Variants in ACTL10 observed in about 807,000 individuals in gnomAD.
ACTL10 encodes actin-like protein 10.
For synonymous variants in ACTL10, 180 were observed against 169.9 expected, an observed-to-expected ratio of 1.06 and a Z score of -0.46; for missense variants, 413 against 359.4, an observed-to-expected ratio of 1.15 and a Z score of -1.21.
At position 33,668,309 on chromosome 20, in the gene ACTL10, TG is replaced by T; in HGVS notation, c.*76del. The T allele has an allele frequency of 6.6e-7, 1 of 1,515,574 alleles. No homozygotes were observed. The highest frequency in any genetic ancestry group is 8.9e-7 in the Non-Finnish European group (1 of 1,129,730). 93.9% of individuals were successfully genotyped at this position (1,515,574 alleles called of 1,614,324 possible). A position where few individuals can be genotyped will look rare whatever the true frequency, so the allele number is the denominator to read the frequency against. On this transcript the variant is annotated 3_prime_UTR_variant, in exon 1 of 1. Transcript: ENST00000677665. Reference sequence around the variant, plus strand: ...ATCTAAAGAGTCAAGTGTTTGGAGCTGGCAGGGTCCTCCTGGAGGTTGGAGC... The same window carrying T: ...ATCTAAAGAGTCAAGTGTTTGGAGCTGCAGGGTCCTCCTGGAGGTTGGAGC...
chr20:33,668,352 C>A lies in ACTL10; in HGVS notation c.*117C>A. On this transcript the variant is annotated 3_prime_UTR_variant, in exon 1 of 1. Transcript: ENST00000677665. ...GGTTGGAGCTGACTGGATGGGTCAC[C>A]CCCATACCCTTTCTGGGCCAGGAGA... The A allele has an allele frequency of 7.2e-7, 1 of 1,388,502 alleles. No individual in the cohort carries two copies. Among genetic ancestry groups the A allele is most frequent in the South Asian group, 1.7e-5 (1 of 58,302 alleles). 86.0% of individuals were successfully genotyped at this position (1,388,502 alleles called of 1,614,324 possible).
rs558946052 is a variant in ACTL10 at position 33,668,318 on chromosome 20, C to A, written c.*83C>A. ...GTCAAGTGTTTGGAGCTGGCAGGGT[C>A]CTCCTGGAGGTTGGAGCTGACTGGA... is the stretch of plus-strand genomic sequence containing the variant. On this transcript the variant is annotated 3_prime_UTR_variant, in exon 1 of 1. Transcript: ENST00000677665. 1.3e-6 allele frequency: 2 copies of A among 1,510,338 alleles called. No homozygotes were observed. Among genetic ancestry groups the A allele is most frequent in the East Asian group, 4.6e-5 (2 of 43,436 alleles). The allele number at this position is 1,510,338 out of a possible 1,614,324, so 93.6% of individuals were successfully genotyped here.
rs2017739337 is a variant in ACTL10 at position 33,668,155 on chromosome 20, C to CA, written c.659dup (p.His220GlnfsTer?). 3.1e-6 allele frequency: 5 copies of CA among 1,612,712 alleles called. No homozygotes were observed. The highest frequency in any genetic ancestry group is 4.2e-6 in the Non-Finnish European group (5 of 1,179,756). On this transcript the variant is annotated frameshift_variant, in exon 1 of 1. Coordinates refer to ENST00000677665, the MANE Select transcript of ACTL10 (RefSeq NM_001024675.2). LOFTEE classifies it high-confidence loss of function. ...CGGCGGCTCCATGGTGGCCTCCCTG[C>CA]ACTCCTTCCAGCGCCGCTGGATAAC... is the stretch of plus-strand genomic sequence containing the variant.
At position 33,667,309 on chromosome 20, in the gene ACTL10, A is replaced by G. The variant is rs79854256; in HGVS notation, c.-189A>G. On this transcript the variant is annotated 5_prime_UTR_variant, in exon 1 of 1. Transcript: ENST00000677665. ...GGGCGGCGTGGCGCGGGCGCACCCC[A>G]TCAAGCACGGCGTGGTGGCGGACTG... is the stretch of plus-strand genomic sequence containing the variant. The G allele has an allele frequency of 6.3e-4, 462 of 729,424 alleles. No individual in the cohort carries two copies. Among genetic ancestry groups the G allele is most frequent in the Non-Finnish European group, 8.4e-4 (434 of 517,170 alleles). 45.2% of individuals were successfully genotyped at this position (729,424 alleles called of 1,614,324 possible).
chr20:33,667,383 GGTGTGCCCAGAGCA>G lies in ACTL10; in HGVS notation c.-111_-98del. On this transcript the variant is annotated 5_prime_UTR_variant, in exon 1 of 1. Transcript: ENST00000677665. ...AGCGCCTGCTGGTGGGCGGCCTGCG[GGTGTGCCCAGAGCA>G]GTGGCCCGTGCTGGTGAGCGACTCG... 1.5e-6 allele frequency: 2 copies of G among 1,307,644 alleles called. No homozygotes were observed. The highest frequency in any genetic ancestry group is 2.0e-6 in the Non-Finnish European group (2 of 1,019,850). 81.0% of individuals were successfully genotyped at this position (1,307,644 alleles called of 1,614,324 possible).
Position 33,667,713 on chromosome 20 carries a change from G to A in ACTL10, c.216G>A (p.Leu72=). 1 of 1,612,070 alleles carries A rather than the reference G, an allele frequency of 6.2e-7. No homozygotes were observed. Among genetic ancestry groups the A allele is most frequent in the South Asian group, 1.1e-5 (1 of 91,080 alleles). ...ACCCTGACCTCTTGCAGCAGGCCCTGCCCCGCAAGGCCATCACACATCTCA... is the reference window on the plus strand; with the variant it reads ...ACCCTGACCTCTTGCAGCAGGCCCTACCCCGCAAGGCCATCACACATCTCA... ...AANPDLLQQA[L]PRKAITHLKK... Residue 72 remains leucine, a synonymous_variant, in exon 1 of 1, where the codon CTG becomes CTA. Coordinates refer to ENST00000677665, the MANE Select transcript of ACTL10 (RefSeq NM_001024675.2).
At position 33,667,947 on chromosome 20, in the gene ACTL10, G is replaced by T; in HGVS notation, c.450G>T (p.Lys150Asn). 6 of 1,554,190 alleles carry T rather than the reference G, an allele frequency of 3.9e-6. No homozygotes were observed. The highest frequency in any genetic ancestry group is 5.2e-6 in the Non-Finnish European group (6 of 1,149,432). Residue 150 changes from lysine to asparagine, a missense_variant, in exon 1 of 1, where the codon AAG (lysine) becomes AAT (asparagine). Lys to Asn is a moderately conservative substitution (Grantham distance 94). Transcript: ENST00000677665. ...CGCTGGCCTTCCGGGCGCTGCAGAA[G>T]ATGCCCAAAACGCTGCGGACACGCC... The part of the protein sequence containing the change: ...LPALAFRALQ[K>N]MPKTLRTRLA...
At position 33,667,591 on chromosome 20, in the gene ACTL10, A is replaced by G. The variant is rs771632304; in HGVS notation, c.94A>G (p.Ile32Val). ...AGAGVCHATPIYAGHSWHQAT... is the reference protein window; with the variant it reads ...AGAGVCHATPVYAGHSWHQAT... ...CGCGGGCGTGTGCCACGCCACGCCCATCTACGCGGGTCACTCGTGGCACCA... is the reference window on the plus strand; with the variant it reads ...CGCGGGCGTGTGCCACGCCACGCCCGTCTACGCGGGTCACTCGTGGCACCA... The change falls in exon 1 of 1, where the codon ATC becomes GTC. Residue 32 changes from isoleucine (I) to valine (V), a missense_variant. By Grantham distance (29) the Ile-to-Val change is conservative. Transcript: ENST00000677665. 6.4e-7 allele frequency: 1 copy of G among 1,564,134 alleles called. No individual in the cohort carries two copies. The highest frequency in any genetic ancestry group is 1.4e-5 in the African/African-American group (1 of 73,244).
rs2017751042 is a variant in ACTL10, at chr20:33,668,506, C to T, written c.*271C>T. 2 of 399,080 alleles carry T rather than the reference C, an allele frequency of 5.0e-6. No individual in the cohort carries two copies. Among genetic ancestry groups the T allele is most frequent in the Admixed American group, 4.2e-5 (1 of 23,864 alleles). 24.7% of individuals were successfully genotyped at this position (399,080 alleles called of 1,614,324 possible). ...CTACTTTATGGCAATAAAGGTGATG[C>T]CCCACTTGTGTCCATGCCACAGATA... On this transcript the variant is annotated 3_prime_UTR_variant, in exon 1 of 1. Transcript: ENST00000677665.
Position 33,667,493 on chromosome 20 carries a change from G to T in ACTL10, c.-5G>T. ...TTCGAGACCCTGGCAGTGCCCGCGT[G>T]CCACATGGCTAGCACCGCGTTGCTG... On this transcript the variant is annotated 5_prime_UTR_variant, in exon 1 of 1. Transcript: ENST00000677665. The T allele has an allele frequency of 6.7e-7, 1 of 1,482,226 alleles. No homozygotes were observed. The allele number at this position is 1,482,226 out of a possible 1,614,324, so 91.8% of individuals were successfully genotyped here. A position where few individuals can be genotyped will look rare whatever the true frequency, so the allele number is the denominator to read the frequency against.
In ACTL10 at chr20:33,668,221, G is replaced by A. The variant is rs370919410; in HGVS notation, c.724G>A (p.Asp242Asn). The change falls in exon 1 of 1, where the codon GAT (aspartate) becomes AAT (asparagine). Residue 242 changes from aspartate to asparagine, a missense_variant. Asp to Asn is a conservative substitution (Grantham distance 23). Coordinates refer to ENST00000677665, the MANE Select transcript of ACTL10 (RefSeq NM_001024675.2). ...GGAGTGTGGCTCCAGGCTGCTGTACGATGTGTTCAACTGAGTCAGGCTGGA... is the reference window on the plus strand; with the variant it reads ...GGAGTGTGGCTCCAGGCTGCTGTACAATGTGTTCAACTGAGTCAGGCTGGA... ...YQECGSRLLY[D>N]VFN The A allele has an allele frequency of 3.1e-6, 5 of 1,595,736 alleles. No individual in the cohort carries two copies. Among genetic ancestry groups the A allele is most frequent in the Non-Finnish European group, 3.4e-6 (4 of 1,170,024 alleles).
In ACTL10 at chr20:33,667,628, G is replaced by C. The variant is rs375079608; in HGVS notation, c.131G>C (p.Arg44Pro). Residue 44 changes from arginine to proline, a missense_variant, in exon 1 of 1, where the codon CGA (arginine) becomes CCA (proline). Coordinates refer to ENST00000677665, the MANE Select transcript of ACTL10 (RefSeq NM_001024675.2). ...AGHSWHQATFRLNVAGSTLSR... is the reference protein window; with the variant it reads ...AGHSWHQATFPLNVAGSTLSR... ...CACTCGTGGCACCAGGCCACCTTCC[G>C]ACTGAACGTGGCAGGCAGCACCCTG... 6.2e-7 allele frequency: 1 copy of C among 1,602,670 alleles called. No individual in the cohort carries two copies. The highest frequency in any genetic ancestry group is 8.5e-7 in the Non-Finnish European group (1 of 1,176,012).
chr20:33,667,631 T>G lies in ACTL10; in HGVS notation c.134T>G (p.Leu45Arg), dbSNP rs2017707874. The change falls in exon 1 of 1, where the codon CTG (leucine) becomes CGG (arginine). Residue 45 changes from leucine (L) to arginine (R), a missense_variant. By Grantham distance (102) the Leu-to-Arg change is moderately radical. Transcript: ENST00000677665. Reference protein sequence around the residue: ...GHSWHQATFRLNVAGSTLSRY... With the variant: ...GHSWHQATFRRNVAGSTLSRY... Reference sequence around the variant, plus strand: ...TCGTGGCACCAGGCCACCTTCCGACTGAACGTGGCAGGCAGCACCCTGTCG... The same window carrying G: ...TCGTGGCACCAGGCCACCTTCCGACGGAACGTGGCAGGCAGCACCCTGTCG... The G allele has an allele frequency of 3.7e-6, 6 of 1,604,834 alleles. No homozygotes were observed. The East Asian group carries it at 1.4e-4, about 36-fold the overall frequency.
In ACTL10 at chr20:33,667,164, G is replaced by A. The variant is rs543935253; in HGVS notation, c.-334G>A. On this transcript the variant is annotated 5_prime_UTR_variant, in exon 1 of 1. Coordinates refer to ENST00000677665, the MANE Select transcript of ACTL10 (RefSeq NM_001024675.2). ...TCGCGGTGGTGGTGGACCAGGGCTC[G>A]GGCTTCACCAAGGCGGGCTTCGCGG... The A allele has an allele frequency of 8.0e-4, 189 of 236,176 alleles. No homozygotes were observed. Among genetic ancestry groups the A allele is most frequent in the African/African-American group, 4.0e-3 (179 of 44,468 alleles). 14.6% of individuals were successfully genotyped at this position (236,176 alleles called of 1,614,324 possible). A position where few individuals can be genotyped will look rare whatever the true frequency, so the allele number is the denominator to read the frequency against.
chr20:33,668,038 A>T lies in ACTL10; in HGVS notation c.541A>T (p.Lys181Ter). ...TCCTGGCTTCGCCGAGCGCCTGGAC[A>T]AGGAGCTGGAGGCGCAGTGCCGGCG... Reference protein sequence around the residue: ...LFPGFAERLDKELEAQCRRHG... With the variant: ...LFPGFAERLD The change falls in exon 1 of 1, where the codon AAG (lysine) becomes TAG (stop). Residue 181 changes from lysine (K) to a stop codon, truncating the protein, a stop_gained. Coordinates refer to ENST00000677665, the MANE Select transcript of ACTL10 (RefSeq NM_001024675.2). LOFTEE classifies it low-confidence loss of function (END_TRUNC). The T allele has an allele frequency of 6.4e-7, 1 of 1,550,904 alleles. No homozygotes were observed. The highest frequency in any genetic ancestry group is 8.7e-7 in the Non-Finnish European group (1 of 1,147,208).
rs1601170683 is a variant in ACTL10 at position 33,668,096 on chromosome 20, T to C, written c.599T>C (p.Val200Ala). Residue 200 changes from valine (V) to alanine (A), a missense_variant, in exon 1 of 1, where the codon GTG (valine) becomes GCG (alanine). Transcript: ENST00000677665. ...HGYAALRPHLVAKHGRGMAVW... is the reference protein window; with the variant it reads ...HGYAALRPHLAAKHGRGMAVW... ...TACGCGGCCCTGCGGCCCCACCTGG[T>C]GGCCAAGCATGGGCGTGGCATGGCT... 1 of 1,602,636 alleles carries C rather than the reference T, an allele frequency of 6.2e-7. No individual in the cohort carries two copies. The highest frequency in any genetic ancestry group is 2.3e-5 in the East Asian group (1 of 44,310).
chr20:33,667,263 A>C lies in ACTL10; in HGVS notation c.-235A>C. 2.3e-6 allele frequency: 1 copy of C among 441,272 alleles called. No individual in the cohort carries two copies. Among genetic ancestry groups the C allele is most frequent in the Non-Finnish European group, 3.8e-6 (1 of 261,996 alleles). The allele number at this position is 441,272 out of a possible 1,614,324, so 27.3% of individuals were successfully genotyped here. ...GCTGGGACCGGCCGGTGCTGCCCGG[A>C]GCGCCGGGCTGCGAGCTGGCGGGCG... is the stretch of plus-strand genomic sequence containing the variant. On this transcript the variant is annotated 5_prime_UTR_variant, in exon 1 of 1. Coordinates refer to ENST00000677665, the MANE Select transcript of ACTL10 (RefSeq NM_001024675.2).
In ACTL10 at chr20:33,667,829, G is replaced by C; in HGVS notation, c.332G>C (p.Gly111Ala). Residue 111 changes from glycine to alanine, a missense_variant, in exon 1 of 1, where the codon GGG becomes GCG. Coordinates refer to ENST00000677665, the MANE Select transcript of ACTL10 (RefSeq NM_001024675.2). ...HHPASFSVGN[G>A]CCVCLSSERF... The stretch of plus-strand genomic sequence containing the variant: ...CCGGCCAGTTTCAGCGTGGGTAACG[G>C]GTGCTGCGTCTGCCTCAGCAGTGAG... 6.2e-7 allele frequency: 1 copy of C among 1,611,714 alleles called. No individual in the cohort carries two copies. The highest frequency in any genetic ancestry group is 8.5e-7 in the Non-Finnish European group (1 of 1,179,446).
In ACTL10 at chr20:33,668,282, CT is replaced by C; in HGVS notation, c.*48del. 2 of 1,535,334 alleles carry C rather than the reference CT, an allele frequency of 1.3e-6. No individual in the cohort carries two copies. Among genetic ancestry groups the C allele is most frequent in the South Asian group, 1.3e-5 (1 of 79,930 alleles). The stretch of plus-strand genomic sequence containing the variant: ...TGGCACTGCGTTGGGGGACAGCTCT[CT>C]ATCTAAAGAGTCAAGTGTTTGGAGC... On this transcript the variant is annotated 3_prime_UTR_variant, in exon 1 of 1. Coordinates refer to ENST00000677665, the MANE Select transcript of ACTL10 (RefSeq NM_001024675.2).
Sources: allele counts gnomAD v4.1 joint callset, GRCh38; gene constraint gnomAD v4.1.1; transcripts MANE v1.5; gene names NCBI Gene and HGNC (gene_info 2026-07-23, HGNC 2026-07-21).